The following TBC1D8 variants were observed in gnomAD, a reference collection of about 807,000 sequenced individuals.
The protein encoded by TBC1D8 is BUB2-like protein 1.
A neutral mutation model predicts 118.8 loss-of-function variants in TBC1D8; 65 were observed. The ratio of observed to expected loss-of-function variants is 0.55; its 90% CI spans 0.45 to 0.67. The LOEUF (loss-of-function observed/expected upper bound fraction) is 0.67. TBC1D8 is among the 30% of genes least tolerant of loss of function. The pLI is 0.00. For missense variants in TBC1D8, 1,376 were observed against 1,471.2 expected (o/e 0.94, Z 1.06); for synonymous variants, 566 against 595.8 (o/e 0.95, Z 0.73).
chr2:101,013,439 C>T (rs1031738840), intron 17 of TBC1D8, among the ~76,000 whole-genome samples: 2 of 152,158 alleles, frequency 1.3e-5, no homozygotes, highest in African/African-American at 2.4e-5. Context: ...GTAATTCAAG[C>T]GTCTAAATGG....
At position 101,044,713 on chromosome 2, in the gene TBC1D8, T is replaced by C. The variant is rs1681593135; in HGVS notation, c.873-4328A>G. Reference sequence around the variant, plus strand: ...CAAAGCAATCACTCTAAGAGAGAGCTACAGCTAAGACTAGTGGGAGAAAGC... The same window carrying C: ...CAAAGCAATCACTCTAAGAGAGAGCCACAGCTAAGACTAGTGGGAGAAAGC... On this transcript the variant is annotated intron_variant, in intron 5 of 19. Coordinates refer to ENST00000409318, the MANE Select transcript of TBC1D8 (RefSeq NM_001330348.2). 3.9e-5 allele frequency among the ~76,000 whole-genome samples: 6 copies of C among 152,162 alleles called. 1 individual carries two copies. In the South Asian group the frequency reaches 1.2e-3, roughly 32 times the overall value.
chr2:101,128,786 G>C (rs1216170096), intron 1 of TBC1D8, among the ~76,000 whole-genome samples: 1 of 152,186 alleles, frequency 6.6e-6, no homozygotes, highest in Non-Finnish European at 1.5e-5. Flanking sequence ...TGAGAATCTT[G>C]AGAACCTTGA....
Position 101,076,756 on chromosome 2 carries a change from C to T in TBC1D8, c.283+13453G>A, listed in dbSNP as rs111392148. 8.1e-3 allele frequency among the ~76,000 whole-genome samples: 1,235 copies of T among 152,328 alleles called. 16 individuals are homozygous for T. Among genetic ancestry groups the T allele is most frequent in the African/African-American group, 0.028 (1,159 of 41,568 alleles). On this transcript the variant is annotated intron_variant, in intron 2 of 19. Coordinates refer to ENST00000409318, the MANE Select transcript of TBC1D8 (RefSeq NM_001330348.2). ...TCTGCTCTAACCAATCCTTATCTTG[C>T]CTTTAACCTTCAAACTGCCCTTAGT... is the stretch of plus-strand genomic sequence containing the variant.
chr2:101,049,366 C>T (rs770092077), intron 5 of TBC1D8, among the ~76,000 whole-genome samples: 11 of 152,148 alleles, frequency 7.2e-5, no homozygotes, highest in Non-Finnish European at 1.2e-4. Context: ...TTTCTGATGA[C>T]GAAGTGGTAC....
At chr2:101,136,362 C>T (rs998100740) in intron 1 of TBC1D8, among the ~76,000 whole-genome samples, 1 of 152,188 alleles carries the variant, frequency 6.6e-6, no homozygotes, top group African/African-American at 2.4e-5. Context: ...AGGGGCTCCC[C>T]TTCACCTTCC....
At chr2:101,129,023 T>C (rs574195529) in intron 1 of TBC1D8, among the ~76,000 whole-genome samples, 69 of 152,352 alleles carry the variant, frequency 4.5e-4, no homozygotes, top group African/African-American at 1.6e-3. Context: ...GGAAATTAGA[T>C]GGTAGTGATG....
rs766226464 is a variant in TBC1D8, at chr2:101,038,534, G to A, written c.1202C>T (p.Ala401Val). The A allele has an allele frequency of 3.3e-5, 53 of 1,613,698 alleles. No individual in the cohort carries two copies. The highest frequency in any genetic ancestry group is 8.0e-5 in the African/African-American group (6 of 74,908). Reference sequence around the variant, plus strand: ...GACCTGCTTCAACCTCGCAAGCAGCGCCTCCACCAGGCTGTCTCGGTCCCG... The same window carrying A: ...GACCTGCTTCAACCTCGCAAGCAGCACCTCCACCAGGCTGTCTCGGTCCCG... ...ELRDRDSLVE[A>V]LLARLKQVHA... The change falls in exon 7 of 20, where the codon GCG (alanine) becomes GTG (valine). Residue 401 changes from alanine (A) to valine (V), a missense_variant. Coordinates refer to ENST00000409318, the MANE Select transcript of TBC1D8 (RefSeq NM_001330348.2).
At chr2:101,054,874 G>C (rs1401030453) in intron 3 of TBC1D8, among the ~76,000 whole-genome samples, 3 of 150,392 alleles carry the variant, frequency 2.0e-5, no homozygotes, top group East Asian at 2.0e-4. Flanking sequence ...TAGAGACGGG[G>C]TTTCTCCATG....
intron 1 of TBC1D8, among the ~76,000 whole-genome samples, chr2:101,134,992 TG>T (rs777975889): frequency 3.3e-4 from 50 of 152,034 alleles, no homozygotes; most frequent in Non-Finnish European, 5.3e-4. Flanking sequence ...GCCAACATAG[TG>T]AAACCCCGTC....
chr2:101,126,661 C>T (rs1047861400), intron 1 of TBC1D8, among the ~76,000 whole-genome samples: 5 of 152,100 alleles, frequency 3.3e-5, no homozygotes, highest in Admixed American at 6.5e-5. Flanking sequence ...AATATGAAAA[C>T]GTATGGTATT....
chr2:101,064,947 C>A (rs763902820), intron 2 of TBC1D8, among the ~76,000 whole-genome samples: 6 of 152,190 alleles, frequency 3.9e-5, no homozygotes, highest in Non-Finnish European at 8.8e-5. Flanking sequence ...AAAGCCAATT[C>A]ATCTGACTCG....
At chr2:101,094,909 A>T (rs1676296390) in intron 1 of TBC1D8, among the ~76,000 whole-genome samples, 1 of 152,234 alleles carries the variant, frequency 6.6e-6, no homozygotes, top group Non-Finnish European at 1.5e-5. Context: ...AAATGTAGAG[A>T]GAGATGGAAG....
chr2:101,033,122 A>ATTTTT (rs67349426), intron 10 of TBC1D8, among the ~76,000 whole-genome samples: 50 of 148,224 alleles, frequency 3.4e-4, no homozygotes, highest in African/African-American at 3.7e-4. Context: ...CACTCGGTAA[A>ATTTTT]TTTTTTTTTT....
chr2:101,030,655 A>G (rs1305963747), intron 11 of TBC1D8, among the ~76,000 whole-genome samples: 2 of 152,210 alleles, frequency 1.3e-5, no homozygotes, highest in Non-Finnish European at 2.9e-5. Flanking sequence ...TCCTAGGTAA[A>G]TACCCAAGAA....
chr2:101,088,761 C>T (rs559417278), intron 2 of TBC1D8, among the ~76,000 whole-genome samples: 6 of 152,000 alleles, frequency 3.9e-5, no homozygotes, highest in African/African-American at 1.2e-4. Context: ...TGCAGAGATG[C>T]GTGTCTCACT....
intron 1 of TBC1D8, among the ~76,000 whole-genome samples, chr2:101,099,009 G>C (rs1040070142): frequency 6.8e-5 from 10 of 147,390 alleles, no homozygotes; most frequent in African/African-American, 2.5e-4. Context: ...AAATAACTAA[G>C]ATCAGAGAAG....
rs117863204 is a variant in TBC1D8 at position 101,124,288 on chromosome 2, T to C, written c.127+26839A>G. On this transcript the variant is annotated intron_variant, in intron 1 of 19. Transcript: ENST00000409318. ...TTCTGTACACACATGTATAAAAGAA[T>C]TGTCATGATTACATAGGGCATCTAA... is the stretch of plus-strand genomic sequence containing the variant. Among the ~76,000 whole-genome samples the C allele has an allele frequency of 5.9e-4, 90 of 152,296 alleles. No homozygotes were observed. In the East Asian group the frequency reaches 0.014, roughly 23 times the overall value.
At chr2:101,122,047 C>G (rs569926104) in intron 1 of TBC1D8, among the ~76,000 whole-genome samples, 3 of 150,616 alleles carry the variant, frequency 2.0e-5, no homozygotes, top group South Asian at 2.1e-4. Flanking sequence ...GCCTGGGCAT[C>G]GCAGTGAGAC....
At chr2:101,021,882 A>G in intron 16 of TBC1D8, 136 bp from the exon 17 acceptor site, 3 of 642,408 alleles carry the variant, frequency 4.7e-6, no homozygotes, top group South Asian at 3.9e-5. Context: ...GACACACACC[A>G]TGGTAGCAAT....
Sources: allele counts gnomAD v4.1 joint callset (sites outside exome capture counted in the v4.1 genomes callset), GRCh38; gene constraint gnomAD v4.1.1; transcripts MANE v1.5; gene names NCBI Gene and HGNC (gene_info 2026-07-23, HGNC 2026-07-21).